Variants in XXYLT1 observed in about 807,000 individuals in gnomAD.
XXYLT1 encodes the protein UDP-xylose:alpha-xyloside alpha-1,3-xylosyltransferase.
XXYLT1 carries 20 observed loss-of-function variants against 28.9 expected under a neutral mutation model. The ratio of observed to expected loss-of-function variants is 0.69; its 90% confidence interval spans 0.49 to 1.00. XXYLT1 has a LOEUF of 1.00. Ranked by LOEUF, XXYLT1 falls within the 50% of genes least tolerant of loss-of-function variation. XXYLT1 has a pLI of 0.00. For synonymous variants in XXYLT1, 257 were observed against 253.8 expected (o/e 1.01, Z -0.12); for missense variants, 542 against 560.1 (o/e 0.97, Z 0.33).
chr3:195,254,799 G>A (rs1444872796), intron 1 of XXYLT1, among the ~76,000 whole-genome samples: 9 of 152,252 alleles, frequency 5.9e-5, no homozygotes, highest in Non-Finnish European at 2.9e-5. Flanking sequence ...GCTGCGCTGT[G>A]CACATTCAGT....
chr3:195,111,158 A>G (rs970969988), intron 3 of XXYLT1, among the ~76,000 whole-genome samples: 1 of 151,778 alleles, frequency 6.6e-6, no homozygotes, highest in Non-Finnish European at 1.5e-5. Flanking sequence ...AATCTTTGCT[A>G]TTCCTTAGCA....
chr3:195,258,181 C>A (rs1725548448), intron 1 of XXYLT1, among the ~76,000 whole-genome samples: 1 of 152,180 alleles, frequency 6.6e-6, no homozygotes, highest in African/African-American at 2.4e-5. Flanking sequence ...AAAAGCAGGG[C>A]CACCTCACAG....
In XXYLT1 at chr3:195,253,725, C is replaced by T. The variant is rs543620173; in HGVS notation, c.504+16830G>A. On this transcript the variant is annotated intron_variant, in intron 1 of 3. Transcript: ENST00000310380. ...TGTTGGCCAGGCTGGTCTCGAACTC[C>T]TGACCTCAGGTGATCCGCCCGCCTC... 1.8e-4 allele frequency among the ~76,000 whole-genome samples: 28 copies of T among 152,190 alleles called. No individual in the cohort carries two copies. The East Asian group carries it at 5.4e-3, about 30-fold the overall frequency.
At chr3:195,198,798 G>C (rs1722733278) in intron 2 of XXYLT1, among the ~76,000 whole-genome samples, 1 of 152,080 alleles carries the variant, frequency 6.6e-6, no homozygotes, top group South Asian at 2.1e-4. Flanking sequence ...CGCAGTTCTT[G>C]ACAGCCATTT....
intron 2 of XXYLT1, among the ~76,000 whole-genome samples, chr3:195,191,243 C>T (rs1220425252): frequency 6.6e-6 from 1 of 152,138 alleles, no homozygotes; most frequent in Non-Finnish European, 1.5e-5. Context: ...GCCTCCCCTT[C>T]CACCTCCTCC....
Position 195,104,618 on chromosome 3 carries a change from G to A in XXYLT1, c.786-34507C>T, listed in dbSNP as rs540634326. On this transcript the variant is annotated intron_variant, in intron 3 of 3. Transcript: ENST00000310380. ...CCGGGAGATCCAGACAGCGTGGCAC[G>A]ACCACCTGAGAGAGGCTGCTGCTGT... Among the ~76,000 whole-genome samples, 8 of 152,258 alleles carry A rather than the reference G, an allele frequency of 5.3e-5. No homozygotes were observed. In the South Asian group the frequency reaches 6.2e-4, roughly 12 times the overall value.
chr3:195,140,750 C>A (rs573615612), intron 3 of XXYLT1, among the ~76,000 whole-genome samples: 1 of 152,152 alleles, frequency 6.6e-6, no homozygotes, highest in African/African-American at 2.4e-5. Context: ...TTCACTATCA[C>A]GAGAAGAGCA....
chr3:195,194,478 T>C (rs1722545935), intron 2 of XXYLT1, among the ~76,000 whole-genome samples: 2 of 152,204 alleles, frequency 1.3e-5, no homozygotes, highest in South Asian at 4.1e-4. Flanking sequence ...GGAATATAAA[T>C]GAGTACAAGC....
chr3:195,233,129 C>CTTCT (rs57419613), intron 1 of XXYLT1, among the ~76,000 whole-genome samples: 20,947 of 152,006 alleles, frequency 0.14, 3,100 homozygotes, highest in African/African-American at 0.37. Flanking sequence ...ATACAACAAA[C>CTTCT]TTGTCTCTTT....
chr3:195,175,413 T>C (rs2108725834), intron 2 of XXYLT1, among the ~76,000 whole-genome samples: 3 of 152,314 alleles, frequency 2.0e-5, no homozygotes, highest in Admixed American at 2.0e-4. Context: ...TCTAAGACCA[T>C]TCCTTTGTTT....
At chr3:195,104,198 CGTGTGTGTGTGTGTGTGTGTGTGT>C (rs59361512) in intron 3 of XXYLT1, among the ~76,000 whole-genome samples, 9 of 141,978 alleles carry the variant, frequency 6.3e-5, no homozygotes, top group African/African-American at 1.4e-4. Flanking sequence ...ATGAGGGCTC[CGTGTGTGTGTGTGTGTGTGTGTGT>C]GTGTGTGTGT....
At chr3:195,097,620 G>T (rs971982216) in intron 3 of XXYLT1, among the ~76,000 whole-genome samples, 3 of 152,168 alleles carry the variant, frequency 2.0e-5, no homozygotes, top group African/African-American at 7.2e-5. Flanking sequence ...GTGAGGTCTG[G>T]ATTTAAACCC....
chr3:195,247,623 G>A lies in XXYLT1; in HGVS notation c.505-20767C>T, dbSNP rs1217398031. ...GGGGACACAGCTGGAGCCCAAGGGG[G>A]AGAGCCATGATCCCCAGACAGCCCT... On this transcript the variant is annotated intron_variant, in intron 1 of 3. Transcript: ENST00000310380. 1.1e-5 allele frequency: 6 copies of A among 539,394 alleles called. No homozygotes were observed. The East Asian group carries it at 1.9e-4, about 17-fold the overall frequency. The allele number at this position is 539,394 out of a possible 1,614,324, so 33.4% of individuals were successfully genotyped here. A position where few individuals can be genotyped will look rare whatever the true frequency, so the allele number is the denominator to read the frequency against.
At chr3:195,220,003 G>A (rs577463440) in intron 2 of XXYLT1, among the ~76,000 whole-genome samples, 1 of 152,308 alleles carries the variant, frequency 6.6e-6, no homozygotes, top group East Asian at 1.9e-4. Context: ...GATCTCCGCA[G>A]GAAACGAGCA....
intron 1 of XXYLT1, among the ~76,000 whole-genome samples, chr3:195,229,032 C>T (rs1249879578): frequency 6.6e-6 from 1 of 152,142 alleles, no homozygotes; most frequent in East Asian, 1.9e-4. Context: ...AGGCTGGTCT[C>T]GAACTCCTGA....
chr3:195,119,710 G>A (rs116134551), intron 3 of XXYLT1, among the ~76,000 whole-genome samples: 1,609 of 152,310 alleles, frequency 0.011, 30 homozygotes, highest in African/African-American at 0.037. Context: ...GCAGAACAAT[G>A]CTGAGTCTCC....
chr3:195,104,594 C>T (rs1422366238), intron 3 of XXYLT1, among the ~76,000 whole-genome samples: 1 of 152,054 alleles, frequency 6.6e-6, no homozygotes. Context: ...GGCGGGGACC[C>T]GGGAGATCCA....
At chr3:195,087,532 G>C (rs1715801280) in intron 3 of XXYLT1, among the ~76,000 whole-genome samples, 1 of 152,230 alleles carries the variant, frequency 6.6e-6, no homozygotes, top group Non-Finnish European at 1.5e-5. Flanking sequence ...CCTGCACGCA[G>C]GGCCTGCAAC....
At chr3:195,113,155 G>C (rs1016876807) in intron 3 of XXYLT1, among the ~76,000 whole-genome samples, 1 of 152,196 alleles carries the variant, frequency 6.6e-6, no homozygotes, top group Non-Finnish European at 1.5e-5. Flanking sequence ...CCACTCCTTG[G>C]TCCGTGGACC....
Sources: allele counts gnomAD v4.1 joint callset (sites outside exome capture counted in the v4.1 genomes callset), GRCh38; gene constraint gnomAD v4.1.1; transcripts MANE v1.5; gene names NCBI Gene and HGNC (gene_info 2026-07-23, HGNC 2026-07-21).